Variants in TSEN15 observed in about 807,000 individuals in gnomAD.
The protein encoded by TSEN15 is tRNA splicing endonuclease subunit 15.
A neutral mutation model predicts 20.5 loss-of-function variants in TSEN15; 10 were observed. The ratio of observed to expected loss-of-function variants is 0.49; its 90% CI spans 0.30 to 0.83. The LOEUF is 0.83. TSEN15 is among the 40% of genes least tolerant of loss of function. The pLI, the probability that TSEN15 is intolerant of heterozygous loss-of-function variation, is 0.06. For missense variants in TSEN15, 180 were observed against 218.6 expected (o/e 0.82, Z 1.11); for synonymous variants, 72 against 80.1 (o/e 0.90, Z 0.54).
intron 3 of TSEN15, among the ~76,000 whole-genome samples, chr1:184,083,574 C>T (rs1651208007): frequency 6.6e-6 from 1 of 152,086 alleles, no homozygotes; most frequent in Non-Finnish European, 1.5e-5. Context: ...GTGGATTGTA[C>T]TTCTGTTGAT....
intron 3 of TSEN15, among the ~76,000 whole-genome samples, chr1:184,091,391 TTTAG>T (rs773083647): frequency 4.6e-5 from 7 of 151,914 alleles, no homozygotes; most frequent in Non-Finnish European, 1.0e-4. Flanking sequence ...TATATATATA[TTTAG>T]TATTTTTTAA....
At chr1:184,065,863 A>T (rs1218285288) in intron 3 of TSEN15, among the ~76,000 whole-genome samples, 1 of 152,094 alleles carries the variant, frequency 6.6e-6, no homozygotes, top group East Asian at 1.9e-4. Flanking sequence ...CTTTTTGATA[A>T]GTTTCAAGAC....
downstream of TSEN15, among the ~76,000 whole-genome samples, chr1:184,078,517 T>C (rs1476212697): frequency 6.6e-6 from 1 of 152,124 alleles, no homozygotes; most frequent in Admixed American, 6.5e-5. Context: ...AGGATTTCTC[T>C]CTGGTGCCGC....
intron 3 of TSEN15, 99 bp downstream of exon 3, chr1:184,054,962 G>T: frequency 7.4e-7 from 1 of 1,355,082 alleles, no homozygotes; most frequent in South Asian, 1.6e-5. Flanking sequence ...TGGGATACAG[G>T]GTTCATAGCT....
In TSEN15 at chr1:184,095,851, G is replaced by A. The variant is rs897256201; in HGVS notation, c.*47G>A. On this transcript the variant is annotated 3_prime_UTR_variant, in exon 4 of 4. Transcript: ENST00000643231. ...AAATTTCTGTTGTTTAAGCCACCTG[G>A]TCTGTGGTATTTTGTTATGACAGGC... is the stretch of plus-strand genomic sequence containing the variant. The A allele has an allele frequency of 1.0e-4, 40 of 398,034 alleles. No individual in the cohort carries two copies. The Admixed American group carries it at 1.5e-3, about 15-fold the overall frequency. 24.7% of individuals were successfully genotyped at this position (398,034 alleles called of 1,614,324 possible).
chr1:184,085,993 C>G (rs1178390607), intron 3 of TSEN15, among the ~76,000 whole-genome samples: 1 of 152,130 alleles, frequency 6.6e-6, no homozygotes, highest in East Asian at 1.9e-4. Context: ...ATATTCTTAT[C>G]TATACAAAAT....
Position 184,072,283 on chromosome 1 carries a change from GCTGCCAGACC to G in TSEN15, c.483_492del (p.Pro162ArgfsTer13). On this transcript the variant is annotated frameshift_variant, in exon 4 of 5. Transcript: ENST00000645668. LOFTEE classifies it high-confidence loss of function. ...ATTATAAACTTACTGATGGATTTATGCTGCCAGACCCTCAGGTCAGTTTTGAGGTAACTGA... is the reference window on the plus strand; with the variant it reads ...ATTATAAACTTACTGATGGATTTATGCTCAGGTCAGTTTTGAGGTAACTGA... The G allele has an allele frequency of 6.2e-7, 1 of 1,609,492 alleles. No individual in the cohort carries two copies. The highest frequency in any genetic ancestry group is 8.5e-7 in the Non-Finnish European group (1 of 1,178,152).
rs78173582 is a variant in TSEN15 at position 184,080,331 on chromosome 1, G to A, written c.354-15359G>A. On this transcript the variant is annotated intron_variant, in intron 3 of 3. Transcript: ENST00000643231. ...AAGATAGAGAAATTAGGGCACAAGT[G>A]GTTAAGTAATAGCTCCAGGTAGTAG... 6.1e-3 allele frequency among the ~76,000 whole-genome samples: 929 copies of A among 152,288 alleles called. 6 individuals carry two copies. The highest frequency in any genetic ancestry group is 8.7e-3 in the Non-Finnish European group (590 of 68,018).
At chr1:184,067,196 TG>T (rs140542792) in intron 3 of TSEN15, among the ~76,000 whole-genome samples, 4,364 of 152,302 alleles carry the variant, frequency 0.029, 227 homozygotes, top group African/African-American at 0.099. Context: ...CAGTAAACCC[TG>T]TCAATTCCTT....
intron 3 of TSEN15, among the ~76,000 whole-genome samples, chr1:184,082,160 T>G (rs1444821994): frequency 6.6e-6 from 1 of 152,042 alleles, no homozygotes; most frequent in East Asian, 1.9e-4. Flanking sequence ...ACTTTCAGGG[T>G]GCATTAGCAT....
downstream of TSEN15, among the ~76,000 whole-genome samples, chr1:184,075,908 A>ATTTTTT (rs1193000569): frequency 1.0e-5 from 1 of 99,488 alleles, no homozygotes; most frequent in African/African-American, 4.1e-5. Flanking sequence ...ATATATATAT[A>ATTTTTT]TATTTTTTTT....
chr1:184,072,609 C>T (rs551218468), intron 4 of TSEN15: 14 of 590,488 alleles, frequency 2.4e-5, no homozygotes, highest in Non-Finnish European at 4.1e-5. Flanking sequence ...AATGTAAAGG[C>T]TAATAATAGT....
At chr1:184,055,190 G>A (rs141134205) in intron 3 of TSEN15, 2 of 197,980 alleles carry the variant, frequency 1.0e-5, no homozygotes, top group African/African-American at 2.3e-5. Context: ...GAGGAAGTTC[G>A]TGAAGCAAGA....
intron 1 of TSEN15, among the ~76,000 whole-genome samples, chr1:184,053,484 G>A (rs1157154922): frequency 6.6e-6 from 1 of 152,180 alleles, no homozygotes; most frequent in African/African-American, 2.4e-5. Context: ...CATGTTTGAA[G>A]TCGACAACTA....
chr1:184,068,615 G>C (rs529937856), intron 3 of TSEN15, among the ~76,000 whole-genome samples: 6 of 152,230 alleles, frequency 3.9e-5, no homozygotes, highest in East Asian at 1.9e-4. Context: ...AATTTTAGCT[G>C]CCTTGATTTT....
intron 3 of TSEN15, chr1:184,095,325 G>A (rs1371599831): frequency 7.7e-6 from 3 of 390,892 alleles, no homozygotes; most frequent in Admixed American, 4.4e-5. Context: ...TGTTGGTGGT[G>A]AGACTTTGGG....
rs1380155231 is a variant in TSEN15 at position 184,073,379 on chromosome 1, C to T, written c.*532C>T. 1 of 152,394 alleles carries T rather than the reference C, an allele frequency of 6.6e-6. No homozygotes were observed. Among genetic ancestry groups the T allele is most frequent in the African/African-American group, 2.4e-5 (1 of 41,448 alleles). 9.4% of individuals were successfully genotyped at this position (152,394 alleles called of 1,614,324 possible). A position where few individuals can be genotyped will look rare whatever the true frequency, so the allele number is the denominator to read the frequency against. ...TCCCATTGCAGTTACTGTTATTTCTCTTTTTTGGTTAACTTTAAATCAAAA... is the reference window on the plus strand; with the variant it reads ...TCCCATTGCAGTTACTGTTATTTCTTTTTTTTGGTTAACTTTAAATCAAAA... On this transcript the variant is annotated 3_prime_UTR_variant, in exon 5 of 5. Transcript: ENST00000645668.
At chr1:184,055,116 A>C in intron 3 of TSEN15, 1 of 347,976 alleles carries the variant, frequency 2.9e-6, no homozygotes, top group Non-Finnish European at 5.2e-6. Flanking sequence ...TGAAGGCTTT[A>C]CAGTAAGCAT....
chr1:184,075,172 A>G (rs1651033763), downstream of TSEN15, among the ~76,000 whole-genome samples: 1 of 152,000 alleles, frequency 6.6e-6, no homozygotes, highest in South Asian at 2.1e-4. Context: ...CGCTTTCCCA[A>G]CTCTTTAAAC....
Sources: gnomAD v4.1 joint callset for allele counts (sites outside exome capture counted in the v4.1 genomes callset) on GRCh38, gnomAD v4.1.1 for gene constraint, MANE v1.5 for transcripts, NCBI Gene and HGNC (gene_info 2026-07-23, HGNC 2026-07-21) for gene names.